Variants in MCCC2 observed in about 807,000 individuals in gnomAD.
The protein encoded by MCCC2 is methylcrotonyl-CoA carboxylase subunit 2.
A neutral mutation model predicts 77.2 loss-of-function variants in MCCC2; 52 were observed. The ratio of observed to expected loss-of-function variants is 0.67; its 90% CI spans 0.54 to 0.85. The LOEUF is 0.85. MCCC2 is among the 40% of genes least tolerant of loss of function. The pLI is 0.00. For missense variants in MCCC2, 682 were observed against 703.2 expected (o/e 0.97, Z 0.34); for synonymous variants, 253 against 248.4 (o/e 1.02, Z -0.18).
chr5:71,650,240 G>A, intron 15 of MCCC2, 57 bp downstream of exon 15: 1 of 1,453,092 alleles, frequency 6.9e-7, no homozygotes. Flanking sequence ...TAAACACCCT[G>A]GAGCCAAGGA....
rs781483923 is a variant in MCCC2 at position 71,652,759 on chromosome 5, G to T, written c.1574+5G>T. The T allele has an allele frequency of 9.9e-6, 16 of 1,613,200 alleles. No individual in the cohort carries two copies. The Admixed American group carries it at 2.7e-4, about 27-fold the overall frequency. ...CCCTTACTATTCCAGCGCAAGGTGGGGGCCAGAACATCACTAACTCTCTGA... is the reference window on the plus strand; with the variant it reads ...CCCTTACTATTCCAGCGCAAGGTGGTGGCCAGAACATCACTAACTCTCTGA... On this transcript the variant is annotated splice_donor_5th_base_variant and intron_variant, in intron 16 of 16. Transcript: ENST00000340941.
At chr5:71,611,311 A>G (rs1038561628) in intron 6 of MCCC2, among the ~76,000 whole-genome samples, 2 of 152,150 alleles carry the variant, frequency 1.3e-5, no homozygotes, top group Admixed American at 6.5e-5. Flanking sequence ...CTGAGGTAGG[A>G]GGATCACTTG....
intron 6 of MCCC2, among the ~76,000 whole-genome samples, chr5:71,621,368 A>T (rs1270420627): frequency 1.1e-4 from 17 of 152,250 alleles, no homozygotes; most frequent in Admixed American, 1.0e-3. Context: ...AAGCAGACAC[A>T]GTGGCAGAAC....
intron 14 of MCCC2, among the ~76,000 whole-genome samples, chr5:71,649,511 A>C (rs921827149): frequency 3.2e-4 from 49 of 152,238 alleles, no homozygotes; most frequent in Non-Finnish European, 1.6e-4. Context: ...TGTGCAGTGC[A>C]GCTAAAGTCT....
chr5:71,636,015 C>T (rs1171555516), intron 10 of MCCC2: 1 of 246,328 alleles, frequency 4.1e-6, no homozygotes, highest in Middle Eastern at 1.5e-3. Flanking sequence ...TATATACGCA[C>T]ATTTTTATGT....
intron 6 of MCCC2, among the ~76,000 whole-genome samples, chr5:71,624,454 C>T (rs368594095): frequency 4.0e-5 from 6 of 150,746 alleles, no homozygotes; most frequent in East Asian, 3.9e-4. Flanking sequence ...CTCGGCTTAC[C>T]GCAACCTGTG....
At chr5:71,612,092 C>A (rs1745977200) in intron 6 of MCCC2, among the ~76,000 whole-genome samples, 2 of 151,978 alleles carry the variant, frequency 1.3e-5, no homozygotes, top group African/African-American at 4.8e-5. Context: ...GCATGAGCCA[C>A]CGCGCCTGGT....
intron 16 of MCCC2, among the ~76,000 whole-genome samples, chr5:71,655,520 G>A (rs907041201): frequency 6.6e-6 from 1 of 152,164 alleles, no homozygotes; most frequent in Non-Finnish European, 1.5e-5. Flanking sequence ...CATGCTTGCT[G>A]TGCTGCAGGC....
At chr5:71,642,976 C>G (rs754786584) in intron 11 of MCCC2, among the ~76,000 whole-genome samples, 1 of 147,170 alleles carries the variant, frequency 6.8e-6, no homozygotes, top group East Asian at 2.0e-4. Flanking sequence ...GCATTCCAGC[C>G]TGGGCGACAG....
At chr5:71,655,473 CTT>C (rs1416361147) in intron 16 of MCCC2, among the ~76,000 whole-genome samples, 1 of 152,150 alleles carries the variant, frequency 6.6e-6, no homozygotes, top group Non-Finnish European at 1.5e-5. Flanking sequence ...CTGGGGCAGT[CTT>C]TTTAATGAAC....
At position 71,650,496 on chromosome 5, in the gene MCCC2, G is replaced by T. The variant is rs574006124; in HGVS notation, c.1488+313G>T. ...TTTAAAATTTTTGAGACAGAGTCTC[G>T]CTCTGTCACCCAGGCTGGAGTGGAG... On this transcript the variant is annotated intron_variant, in intron 15 of 16. Transcript: ENST00000340941. 1.6e-3 allele frequency among the ~76,000 whole-genome samples: 242 copies of T among 151,786 alleles called. 1 individual carries two copies. The highest frequency in any genetic ancestry group is 5.6e-3 in the African/African-American group (232 of 41,370).
In MCCC2 at chr5:71,609,019, C is replaced by A. The variant is rs1357452079; in HGVS notation, c.624+4551C>A. Among the ~76,000 whole-genome samples the A allele has an allele frequency of 2.0e-5, 3 of 151,968 alleles. No individual in the cohort carries two copies. In the East Asian group the frequency reaches 5.8e-4, roughly 29 times the overall value. On this transcript the variant is annotated intron_variant, in intron 6 of 16. Transcript: ENST00000340941. ...CTTAACATTTTTTCCTTCATTTCAA[C>A]TTTGGTGAATCTGACAATTATGTGT... is the stretch of plus-strand genomic sequence containing the variant.
chr5:71,595,727 A>G (rs1389591743), intron 2 of MCCC2, among the ~76,000 whole-genome samples: 1 of 152,174 alleles, frequency 6.6e-6, no homozygotes, highest in Admixed American at 6.5e-5. Flanking sequence ...TGATGTGAGC[A>G]ATGTTGAGAA....
intron 16 of MCCC2, among the ~76,000 whole-genome samples, chr5:71,653,778 G>A (rs1000803033): frequency 6.6e-5 from 10 of 151,488 alleles, no homozygotes; most frequent in African/African-American, 2.2e-4. Context: ...TTGAACCTGG[G>A]AGGTCAAGGC....
chr5:71,624,964 G>A (rs540400724), intron 6 of MCCC2, among the ~76,000 whole-genome samples: 1 of 152,134 alleles, frequency 6.6e-6, no homozygotes, highest in South Asian at 2.1e-4. Flanking sequence ...AAAGTGCTGG[G>A]ATTACAGGCA....
At chr5:71,635,385 G>A (rs1746881510) in intron 10 of MCCC2, 139 bp downstream of exon 10, 3 of 776,568 alleles carry the variant, frequency 3.9e-6, no homozygotes, top group Non-Finnish European at 6.8e-6. Flanking sequence ...TGACATATGT[G>A]GCAATGATAC....
chr5:71,602,609 A>T lies in MCCC2; in HGVS notation c.487A>T (p.Asn163Tyr). 6.2e-7 allele frequency: 1 copy of T among 1,614,200 alleles called. No individual in the cohort carries two copies. The change falls in exon 5 of 17, where the codon AAC (asparagine) becomes TAC (tyrosine). Residue 163 changes from asparagine to tyrosine, a missense_variant. Asn to Tyr is a moderately radical substitution (Grantham distance 143). Coordinates refer to ENST00000340941, the MANE Select transcript of MCCC2 (RefSeq NM_022132.5). ...ACGGGCCCAAGAAATTGCCATGCAAAACAGGCTCCCCTGCATCTACTTAGG... is the reference window on the plus strand; with the variant it reads ...ACGGGCCCAAGAAATTGCCATGCAATACAGGCTCCCCTGCATCTACTTAGG... ...QLRAQEIAMQ[N>Y]RLPCIYLVDS...
At position 71,635,203 on chromosome 5, in the gene MCCC2, G is replaced by A; in HGVS notation, c.956G>A (p.Gly319Glu). ...EPLFPADELY[G>E]IVGANLKRSF... Reference sequence around the variant, plus strand: ...TTATTTCCTGCTGATGAATTGTATGGAATAGTTGGTGCTAACCTTAAGAGG... The same window carrying A: ...TTATTTCCTGCTGATGAATTGTATGAAATAGTTGGTGCTAACCTTAAGAGG... Residue 319 changes from glycine to glutamate, a missense_variant, in exon 10 of 17, where the codon GGA (glycine) becomes GAA (glutamate). Gly to Glu is a moderately conservative substitution (Grantham distance 98). Transcript: ENST00000340941. 1 of 1,614,140 alleles carries A rather than the reference G, an allele frequency of 6.2e-7. No homozygotes were observed. The highest frequency in any genetic ancestry group is 1.1e-5 in the South Asian group (1 of 91,066).
At chr5:71,607,763 C>G (rs905942313) in intron 6 of MCCC2, among the ~76,000 whole-genome samples, 6 of 150,400 alleles carry the variant, frequency 4.0e-5, no homozygotes, top group Non-Finnish European at 7.4e-5. Flanking sequence ...CCCAGAGATT[C>G]TGGTATGTTG....
Sources: allele counts gnomAD v4.1 joint callset (sites outside exome capture counted in the v4.1 genomes callset), GRCh38; gene constraint gnomAD v4.1.1; transcripts MANE v1.5; gene names NCBI Gene and HGNC (gene_info 2026-07-23, HGNC 2026-07-21).